The following NHSL1 variants were observed in gnomAD, a reference collection of about 807,000 sequenced individuals.
NHSL1 encodes the protein NHS like 1.
Under a neutral mutation model 95.0 loss-of-function variants are expected in NHSL1, and 48 were observed. The ratio of observed to expected loss-of-function variants is 0.51; its 90% CI spans 0.40 to 0.64. NHSL1 has a LOEUF of 0.64. Among genes scored for constraint, NHSL1 ranks in the 30% least tolerant of loss-of-function variants. NHSL1 has a pLI of 0.00. For synonymous variants in NHSL1, 783 were observed against 833.9 expected, an observed-to-expected ratio of 0.94 and a Z score of 1.05; for missense variants, 1,971 against 2,077.7, an observed-to-expected ratio of 0.95 and a Z score of 1.00.
At chr6:138,434,374 C>T (rs945006165) in intron 5 of NHSL1, among the ~76,000 whole-genome samples, 2 of 150,134 alleles carry the variant, frequency 1.3e-5, no homozygotes, top group South Asian at 2.1e-4. Flanking sequence ...ATGATTTATT[C>T]GTTGGAGTTT....
rs1338603376 is a variant in NHSL1, at chr6:138,692,109, G to C, written c.96+367C>G. 2.2e-6 allele frequency: 1 copy of C among 455,614 alleles called. No individual in the cohort carries two copies. The allele number at this position is 455,614 out of a possible 1,614,324, so 28.2% of individuals were successfully genotyped here. On this transcript the variant is annotated intron_variant, in intron 1 of 3. Transcript: ENST00000491526. This position sits in a 1 kb window ranked among gnomAD's most constrained non-coding sequence, Gnocchi z 4.0. ...ATATTCTCCCCTGGCTTTTCCAACAGGCTACCTGCCTGTGACAGTTTTCCC... is the reference window on the plus strand; with the variant it reads ...ATATTCTCCCCTGGCTTTTCCAACACGCTACCTGCCTGTGACAGTTTTCCC...
Position 138,687,550 on chromosome 6 carries a change from T to C in NHSL1, c.96+4926A>G, listed in dbSNP as rs1583481687. ...ATTTGCAAATGTACAATGTTAAATA[T>C]GTACAATTATTATGTATCAATTAAA... On this transcript the variant is annotated intron_variant, in intron 1 of 3. Coordinates refer to the NHSL1 transcript ENST00000491526. Among the ~76,000 whole-genome samples the C allele has an allele frequency of 3.3e-5, 5 of 152,382 alleles. No individual in the cohort carries two copies. In the South Asian group the frequency reaches 1.0e-3, roughly 32 times the overall value.
intron 1 of NHSL1, among the ~76,000 whole-genome samples, chr6:138,524,801 G>C (rs1321493227): frequency 6.6e-6 from 1 of 152,012 alleles, no homozygotes; most frequent in Non-Finnish European, 1.5e-5. Context: ...GTGATTTAAA[G>C]GTTTTCTTCC....
At chr6:138,581,723 G>A (rs1784059633) in intron 1 of NHSL1, among the ~76,000 whole-genome samples, 1 of 148,292 alleles carries the variant, frequency 6.7e-6, no homozygotes, top group Admixed American at 6.7e-5. Context: ...AAAAATTTCA[G>A]GAAAAAAAGT....
At chr6:138,481,348 G>T (rs1366242219) in intron 2 of NHSL1, among the ~76,000 whole-genome samples, 1 of 152,146 alleles carries the variant, frequency 6.6e-6, no homozygotes. Context: ...CTGGAAAAGA[G>T]AAAGAAATCA....
chr6:138,429,737 T>C lies in NHSL1; in HGVS notation c.4059A>G (p.Thr1353=), dbSNP rs761494528. The C allele has an allele frequency of 1.3e-4, 198 of 1,551,748 alleles. No individual in the cohort carries two copies. Among genetic ancestry groups the C allele is most frequent in the Admixed American group, 5.1e-4 (26 of 50,932 alleles). The part of the protein sequence containing the change: ...EVMTPSRPRT[T]EDLFAAIHRS... ...TGTGAATAGCTGCAAAAAGGTCTTC[T>C]GTGGTCCTGGGTCGACTGGGGGTCA... Residue 1353 remains threonine, a synonymous_variant, in exon 7 of 8, where the codon ACA becomes ACG. Transcript: ENST00000343505.
At chr6:138,514,275 G>A (rs188765253) in intron 1 of NHSL1, among the ~76,000 whole-genome samples, 3 of 152,022 alleles carry the variant, frequency 2.0e-5, no homozygotes, top group East Asian at 3.9e-4. Context: ...CCGAGATCAC[G>A]CCACTGCACT....
Position 138,430,643 on chromosome 6 carries a change from CT to C in NHSL1, c.3701del (p.Glu1234GlyfsTer111). On this transcript the variant is annotated frameshift_variant, in exon 6 of 8. Transcript: ENST00000343505. LOFTEE classifies it high-confidence loss of function. The surrounding 1 kb of genome is among the most constrained non-coding windows in gnomAD (Gnocchi z 4.7). ...LRAVPSPTTG[E>X]EGSVHSREAK... Reference sequence around the variant, plus strand: ...CCTCCCTGCTGTGCACAGAGCCCTCCTCTCCCGTCGTGGGGCTGGGCACAGC... The same window carrying C: ...CCTCCCTGCTGTGCACAGAGCCCTCCCTCCCGTCGTGGGGCTGGGCACAGC... 6.4e-7 allele frequency: 1 copy of C among 1,551,652 alleles called. No individual in the cohort carries two copies. Among genetic ancestry groups the C allele is most frequent in the Non-Finnish European group, 8.7e-7 (1 of 1,147,004 alleles).
intron 5 of NHSL1, among the ~76,000 whole-genome samples, chr6:138,435,739 T>G (rs1186574219): frequency 6.9e-6 from 1 of 144,352 alleles, no homozygotes; most frequent in Admixed American, 6.9e-5. Context: ...TTTGTTTTTG[T>G]TTTTTTTTTT....
intron 1 of NHSL1, among the ~76,000 whole-genome samples, chr6:138,642,006 A>G (rs1784965318): frequency 6.6e-6 from 1 of 152,196 alleles, no homozygotes; most frequent in South Asian, 2.1e-4. Flanking sequence ...TTTATTACAA[A>G]TGAATTCTTT....
At chr6:138,493,061 G>T (rs946294609) in intron 2 of NHSL1, among the ~76,000 whole-genome samples, 10 of 152,080 alleles carry the variant, frequency 6.6e-5, no homozygotes, top group Middle Eastern at 3.2e-3. Context: ...ATTTCAGGTT[G>T]CTGAGATGAT....
chr6:138,669,333 A>T (rs1785334704), intron 1 of NHSL1, among the ~76,000 whole-genome samples: 1 of 152,140 alleles, frequency 6.6e-6, no homozygotes, highest in Non-Finnish European at 1.5e-5. Context: ...GTGGAGAATA[A>T]AGGTTGAGCC....
rs1043645037 is a variant in NHSL1 at position 138,432,840 on chromosome 6, G to A, written c.1505C>T (p.Pro502Leu). Residue 502 changes from proline (P) to leucine (L), a missense_variant, in exon 6 of 8, where the codon CCT becomes CTT. Transcript: ENST00000343505. The surrounding 1 kb of genome is among the most constrained non-coding windows in gnomAD (Gnocchi z 4.4). The stretch of plus-strand genomic sequence containing the variant: ...CTCCCTATTTGCTGGAGCATTTAGA[G>A]GGACGGCTGAGTCACAGAGGGACAA... ...ALLSLCDSAVPLNAPANRENG... is the reference protein window; with the variant it reads ...ALLSLCDSAVLLNAPANRENG... 1.0e-5 allele frequency: 16 copies of A among 1,551,486 alleles called. No individual in the cohort carries two copies. Among genetic ancestry groups the A allele is most frequent in the Non-Finnish European group, 1.3e-5 (15 of 1,146,910 alleles).
chr6:138,517,389 T>C (rs1371757503), intron 1 of NHSL1, among the ~76,000 whole-genome samples: 1 of 152,208 alleles, frequency 6.6e-6, no homozygotes, highest in Non-Finnish European at 1.5e-5. Flanking sequence ...AACAATGACA[T>C]AAAAAGCTTT....
chr6:138,529,984 C>T (rs1164865019), intron 1 of NHSL1, among the ~76,000 whole-genome samples: 1 of 152,120 alleles, frequency 6.6e-6, no homozygotes, highest in African/African-American at 2.4e-5. Flanking sequence ...AGTTGTTTTC[C>T]ATTATTTGAA....
intron 1 of NHSL1, among the ~76,000 whole-genome samples, chr6:138,690,581 A>C (rs1234989573): frequency 6.6e-6 from 1 of 152,130 alleles, no homozygotes; most frequent in African/African-American, 2.4e-5. Flanking sequence ...TCTCTACTAA[A>C]AATACAAAAA....
chr6:138,452,691 T>C (rs369273050), intron 3 of NHSL1, among the ~76,000 whole-genome samples: 56 of 152,340 alleles, frequency 3.7e-4, no homozygotes, highest in Admixed American at 1.7e-3. Context: ...GTGTTGACTC[T>C]TGGTTTTCAA....
At chr6:138,630,931 T>C (rs1010666089) in intron 1 of NHSL1, among the ~76,000 whole-genome samples, 1 of 152,154 alleles carries the variant, frequency 6.6e-6, no homozygotes, top group African/African-American at 2.4e-5. Flanking sequence ...CCACAGTACC[T>C]GGTTTTAACT....
intron 2 of NHSL1, among the ~76,000 whole-genome samples, chr6:138,487,041 G>A (rs1015784990): frequency 6.6e-6 from 1 of 152,122 alleles, no homozygotes; most frequent in African/African-American, 2.4e-5. Context: ...AGTATGGCTT[G>A]GGACATGCAG....
Sources: gnomAD v4.1 joint callset for allele counts (sites outside exome capture counted in the v4.1 genomes callset) on GRCh38, gnomAD v4.1.1 for gene constraint, Gnocchi (gnomAD v3.1) non-coding constraint, MANE v1.5 for transcripts, NCBI Gene and HGNC (gene_info 2026-07-23, HGNC 2026-07-21) for gene names.